The following WDR59 variants were observed in gnomAD, a reference collection of about 807,000 sequenced individuals.
WDR59 encodes the protein GATOR2 complex protein WDR59.
In WDR59, 100 loss-of-function variants were observed where a neutral mutation model predicts 131.2. The observed-to-expected ratio is 0.76, with a 90% CI of 0.65 to 0.90. The LOEUF is 0.90. Ranked by LOEUF, WDR59 falls within the 40% of genes least tolerant of loss-of-function variation. The probability of loss-of-function intolerance (pLI) is 0.00; values close to 1 mark genes in which losing one functional copy is unlikely to be tolerated. For synonymous variants in WDR59, 601 were observed against 466.2 expected (o/e 1.29, Z -3.72); for missense variants, 1,203 against 1,262.2 (o/e 0.95, Z 0.71).
chr16:74,913,124 G>A (rs1347779634), intron 13 of WDR59, among the ~76,000 whole-genome samples: 2 of 151,808 alleles, frequency 1.3e-5, no homozygotes, highest in Non-Finnish European at 2.9e-5. Context: ...TTTGCAAAGT[G>A]ATAAAAGCAA....
intron 1 of WDR59, among the ~76,000 whole-genome samples, chr16:74,977,470 C>A (rs983443118): frequency 6.6e-5 from 10 of 151,474 alleles, no homozygotes; most frequent in Admixed American, 6.6e-4. Flanking sequence ...GGGCAGATCA[C>A]GATGTCAGGA....
At chr16:74,969,596 T>C (rs1177398131) in intron 1 of WDR59, among the ~76,000 whole-genome samples, 1 of 149,394 alleles carries the variant, frequency 6.7e-6, no homozygotes, top group Non-Finnish European at 1.5e-5. Context: ...ATTTTTGAGA[T>C]GGAGTTTCAC....
chr16:74,953,798 G>A (rs1032960518), intron 3 of WDR59, among the ~76,000 whole-genome samples: 9 of 151,138 alleles, frequency 6.0e-5, no homozygotes, highest in South Asian at 4.2e-4. Context: ...TGAGGAGATC[G>A]AGACCATCCT....
At position 74,908,896 on chromosome 16, in the gene WDR59, T is replaced by C. The variant is rs777228470; in HGVS notation, c.1712+12A>G. The C allele has an allele frequency of 1.7e-5, 28 of 1,613,484 alleles. No homozygotes were observed. In the Admixed American group the frequency reaches 2.5e-4, roughly 14 times the overall value. On this transcript the variant is annotated intron_variant, in intron 17 of 25. Transcript: ENST00000262144. ...GGGAACGTAGAGCGGCTTCTGCATC[T>C]CCCTGACTCACCTCGGAGTAGGCTC...
chr16:74,905,716 TAAAATAAAA>T (rs1965776402), intron 17 of WDR59, among the ~76,000 whole-genome samples: 1 of 150,422 alleles, frequency 6.6e-6, no homozygotes, highest in African/African-American at 2.4e-5. Context: ...AATAAAAAAA[TAAAATAAAA>T]TAAATAAAAT....
At chr16:74,970,683 G>T (rs930214480) in intron 1 of WDR59, among the ~76,000 whole-genome samples, 1 of 151,974 alleles carries the variant, frequency 6.6e-6, no homozygotes, top group Non-Finnish European at 1.5e-5. Context: ...GCTGAGCATG[G>T]TCTATTTCAT....
At chr16:74,899,285 C>G (rs1033684040) in intron 18 of WDR59, among the ~76,000 whole-genome samples, 1 of 152,172 alleles carries the variant, frequency 6.6e-6, no homozygotes, top group Non-Finnish European at 1.5e-5. Context: ...TAGACCAGGA[C>G]TGTAAAAGCA....
At chr16:74,952,767 T>TTTTA (rs1567427544) in intron 3 of WDR59, among the ~76,000 whole-genome samples, 3 of 147,574 alleles carry the variant, frequency 2.0e-5, no homozygotes, top group African/African-American at 7.4e-5. Flanking sequence ...ATTTTTTAAA[T>TTTTA]TATATATATA....
rs1964053116 is a variant in WDR59, at chr16:74,873,424, G to A, written c.*785C>T. On this transcript the variant is annotated 3_prime_UTR_variant, in exon 26 of 26. Coordinates refer to ENST00000262144, the MANE Select transcript of WDR59 (RefSeq NM_030581.4). The stretch of plus-strand genomic sequence containing the variant: ...GAAATAAGACTCTTGGGGCTAGGAA[G>A]AACCTTAAATGTCAAATTCCATTTT... 6.6e-6 allele frequency: 1 copy of A among 152,168 alleles called. No homozygotes were observed. The highest frequency in any genetic ancestry group is 2.1e-4 in the South Asian group (1 of 4,826). 9.4% of individuals were successfully genotyped at this position (152,168 alleles called of 1,614,324 possible). A position where few individuals can be genotyped will look rare whatever the true frequency, so the allele number is the denominator to read the frequency against.
In WDR59 at chr16:74,978,649, T is replaced by G. The variant is rs552173665; in HGVS notation, c.54+6315A>C. 3.9e-5 allele frequency among the ~76,000 whole-genome samples: 6 copies of G among 152,198 alleles called. No homozygotes were observed. The South Asian group carries it at 1.2e-3, about 32-fold the overall frequency. ...AGGGGGACCAAGGAACTGTTTGGAG[T>G]GATGGAAACGTTCTACATCATGATT... On this transcript the variant is annotated intron_variant, in intron 1 of 25. Transcript: ENST00000262144.
chr16:74,983,096 A>G (rs893237753), intron 1 of WDR59, among the ~76,000 whole-genome samples: 4 of 152,182 alleles, frequency 2.6e-5, no homozygotes, highest in Non-Finnish European at 4.4e-5. Context: ...TAATCCCAAT[A>G]TTTTGGGAGG....
intron 8 of WDR59, among the ~76,000 whole-genome samples, chr16:74,927,933 G>A (rs2031005383): frequency 7.1e-6 from 1 of 140,694 alleles, no homozygotes; most frequent in Non-Finnish European, 1.5e-5. Flanking sequence ...TTTTGAGACG[G>A]AGTCTTGCTC....
intron 9 of WDR59, among the ~76,000 whole-genome samples, chr16:74,923,700 C>A (rs2030486630): frequency 6.6e-6 from 1 of 152,096 alleles, no homozygotes; most frequent in Non-Finnish European, 1.5e-5. Context: ...GTCTCGAACT[C>A]CTGACCTCAG....
chr16:74,973,257 A>T (rs2034058820), intron 1 of WDR59, among the ~76,000 whole-genome samples: 1 of 149,962 alleles, frequency 6.7e-6, no homozygotes, highest in African/African-American at 2.5e-5. Flanking sequence ...CCATAAAATT[A>T]TACATGAACA....
chr16:74,955,285 G>T (rs1471960432), intron 3 of WDR59, among the ~76,000 whole-genome samples: 1 of 152,116 alleles, frequency 6.6e-6, no homozygotes, highest in Non-Finnish European at 1.5e-5. Flanking sequence ...CAACAGGTGG[G>T]GAGCATACTA....
At chr16:74,967,090 C>T (rs911445894) in intron 1 of WDR59, among the ~76,000 whole-genome samples, 18 of 152,306 alleles carry the variant, frequency 1.2e-4, no homozygotes, top group Admixed American at 1.0e-3. Context: ...AATCACAAAT[C>T]ACAAATGGTA....
intron 7 of WDR59, among the ~76,000 whole-genome samples, chr16:74,940,625 G>C (rs1418200087): frequency 6.6e-6 from 1 of 152,152 alleles, no homozygotes; most frequent in Non-Finnish European, 1.5e-5. Context: ...ACACTACAAA[G>C]TGCCAGAGAA....
chr16:74,944,589 A>G (rs2032473959), intron 6 of WDR59, among the ~76,000 whole-genome samples: 1 of 152,042 alleles, frequency 6.6e-6, no homozygotes, highest in South Asian at 2.1e-4. Flanking sequence ...GGCATGAATA[A>G]TGTGCCCCCT....
At chr16:74,970,495 CAAAAAAAAAAAAAAAAAA>C (rs746574195) in intron 1 of WDR59, among the ~76,000 whole-genome samples, 2 of 33,446 alleles carry the variant, frequency 6.0e-5, no homozygotes, top group African/African-American at 8.9e-5. Flanking sequence ...ACTCTGTCTC[CAAAAAAAAAAAAAAAAAA>C]AAAAAAAAAA....
Sources: gnomAD v4.1 joint callset for allele counts (sites outside exome capture counted in the v4.1 genomes callset) on GRCh38, gnomAD v4.1.1 for gene constraint, MANE v1.5 for transcripts, NCBI Gene and HGNC (gene_info 2026-07-23, HGNC 2026-07-21) for gene names.